The following MAST4 variants were observed in gnomAD, a reference collection of about 807,000 sequenced individuals.
MAST4 encodes the protein microtubule associated serine/threonine kinase family member 4.
MAST4 carries 89 observed loss-of-function variants against 162.7 expected under a neutral mutation model. That is an observed-to-expected ratio of 0.55 (90% CI 0.46 to 0.65). The LOEUF (loss-of-function observed/expected upper bound fraction) is 0.65. MAST4 is among the 30% of genes least tolerant of loss of function. The pLI, the probability that MAST4 is intolerant of heterozygous loss-of-function variation, is 0.00. For synonymous variants in MAST4, 1,479 were observed against 1,361.1 expected, an observed-to-expected ratio of 1.09 and a Z score of -1.91; for missense variants, 3,153 against 3,374.0, an observed-to-expected ratio of 0.93 and a Z score of 1.62.
chr5:66,679,479 C>A (rs561933436), intron 1 of MAST4, among the ~76,000 whole-genome samples: 1 of 152,156 alleles, frequency 6.6e-6, no homozygotes, highest in African/African-American at 2.4e-5. Flanking sequence ...GAGTACTTTG[C>A]CCTCTCTCAT....
chr5:66,672,638 T>G (rs1747679501), intron 1 of MAST4, among the ~76,000 whole-genome samples: 1 of 152,190 alleles, frequency 6.6e-6, no homozygotes. Context: ...ATACAGTTCT[T>G]GTCTCTTTCT....
chr5:66,647,920 C>A (rs998820486), intron 1 of MAST4, among the ~76,000 whole-genome samples: 1 of 151,970 alleles, frequency 6.6e-6, no homozygotes, highest in Non-Finnish European at 1.5e-5. Context: ...CTAATTCTAA[C>A]TATCTGTACC....
At chr5:66,712,162 A>C (rs1750537651) in intron 1 of MAST4, among the ~76,000 whole-genome samples, 1 of 152,222 alleles carries the variant, frequency 6.6e-6, no homozygotes. Flanking sequence ...ACTGTTATAC[A>C]CACCTGCTAG....
rs559564940 is a variant in MAST4, at chr5:66,921,309, C to T, written c.674+21327C>T. 7.2e-5 allele frequency among the ~76,000 whole-genome samples: 11 copies of T among 152,188 alleles called. No individual in the cohort carries two copies. In the South Asian group the frequency reaches 1.5e-3, roughly 20 times the overall value. On this transcript the variant is annotated intron_variant, in intron 4 of 28. Coordinates refer to ENST00000403625, the MANE Select transcript of MAST4 (RefSeq NM_001164664.2). ...AATATTTCAGGCCTCATGTTCAAAG[C>T]GGTACTCCATAAAGGCCGGGGACAT...
intron 10 of MAST4, 55 bp from the exon 11 acceptor site, chr5:67,110,043 T>C: frequency 7.7e-7 from 1 of 1,301,390 alleles, no homozygotes; most frequent in African/African-American, 1.5e-5. Context: ...CTGATTTTCT[T>C]TTCCATTTAA....
At chr5:67,154,751 C>T (rs1772281407) in intron 26 of MAST4, among the ~76,000 whole-genome samples, 1 of 152,216 alleles carries the variant, frequency 6.6e-6, no homozygotes, top group Non-Finnish European at 1.5e-5. Context: ...AACATCCTGC[C>T]TGTGTTCATA....
At position 67,090,152 on chromosome 5, in the gene MAST4, C is replaced by T. The variant is rs776821341; in HGVS notation, c.764-10C>T. The stretch of plus-strand genomic sequence containing the variant: ...CATGTAGTAAATTTCTCTCTTTTCT[C>T]TTTCTCTAGGAAATAGCCCTCAAGA... On this transcript the variant is annotated splice_polypyrimidine_tract_variant and intron_variant, in intron 5 of 28. Coordinates refer to ENST00000403625, the MANE Select transcript of MAST4 (RefSeq NM_001164664.2). 1 of 1,594,480 alleles carries T rather than the reference C, an allele frequency of 6.3e-7. No individual in the cohort carries two copies. Among genetic ancestry groups the T allele is most frequent in the Non-Finnish European group, 8.6e-7 (1 of 1,163,356 alleles).
chr5:67,020,804 G>A lies in MAST4; in HGVS notation c.675-33600G>A, dbSNP rs143276114. The stretch of plus-strand genomic sequence containing the variant: ...TACCATAAGTAAAATGGATTGTGAC[G>A]CACTTAGAGCAAGTGTAGACAGACT... On this transcript the variant is annotated intron_variant, in intron 4 of 28. Transcript: ENST00000403625. 5.6e-4 allele frequency among the ~76,000 whole-genome samples: 85 copies of A among 152,292 alleles called. No individual in the cohort carries two copies. In the East Asian group the frequency reaches 0.014, roughly 25 times the overall value.
At chr5:66,809,068 C>A (rs1756347225) in intron 3 of MAST4, among the ~76,000 whole-genome samples, 1 of 152,202 alleles carries the variant, frequency 6.6e-6, no homozygotes, top group Non-Finnish European at 1.5e-5. Flanking sequence ...GTTGATTACA[C>A]TGTGGCTGCC....
intron 4 of MAST4, among the ~76,000 whole-genome samples, chr5:66,976,061 T>C (rs970902741): frequency 5.3e-5 from 8 of 152,216 alleles, no homozygotes; most frequent in African/African-American, 1.9e-4. Flanking sequence ...CATGTGTCTG[T>C]CTGTGCATGG....
intron 1 of MAST4, among the ~76,000 whole-genome samples, chr5:66,676,787 A>AT (rs1490518520): frequency 1.3e-5 from 2 of 152,222 alleles, no homozygotes; most frequent in Non-Finnish European, 2.9e-5. Flanking sequence ...AGTATGTAGA[A>AT]TTGCCTGACT....
chr5:67,001,928 T>C (rs1385509294), intron 4 of MAST4: 1 of 152,242 alleles, frequency 6.6e-6, no homozygotes, highest in Non-Finnish European at 1.5e-5. Context: ...CTAAATTTTT[T>C]CTTCTCTACT....
intron 4 of MAST4, among the ~76,000 whole-genome samples, chr5:66,924,077 A>G (rs1317830438): frequency 1.3e-5 from 2 of 152,068 alleles, no homozygotes; most frequent in African/African-American, 4.8e-5. Context: ...TTGCTGTTCC[A>G]TTTTCTCCTT....
chr5:67,069,264 T>C (rs539205223), intron 5 of MAST4, among the ~76,000 whole-genome samples: 2 of 133,326 alleles, frequency 1.5e-5, no homozygotes, highest in East Asian at 4.1e-4. Context: ...TTTAATTTCC[T>C]TTTCTGTTAA....
At chr5:67,150,851 G>C (rs771967404) in intron 24 of MAST4, among the ~76,000 whole-genome samples, 66 of 152,278 alleles carry the variant, frequency 4.3e-4, no homozygotes, top group South Asian at 1.0e-3. Flanking sequence ...AGACAGCCAA[G>C]ATGCTACATG....
At chr5:66,809,328 G>T in intron 3 of MAST4, among the ~76,000 whole-genome samples, 1 of 152,160 alleles carries the variant, frequency 6.6e-6, no homozygotes, top group East Asian at 1.9e-4. Flanking sequence ...TCAACTAGAG[G>T]AGCCTTAATG....
In MAST4 at chr5:66,879,235, C is replaced by T. The variant is rs1003237356; in HGVS notation, c.643-20716C>T. ...CGGAGCTTGCAGTGAGCCGAGATTGCGCTACTGCACTCCAGCCTGGGTGAC... is the reference window on the plus strand; with the variant it reads ...CGGAGCTTGCAGTGAGCCGAGATTGTGCTACTGCACTCCAGCCTGGGTGAC... On this transcript the variant is annotated intron_variant, in intron 3 of 28. Transcript: ENST00000403625. 6.6e-4 allele frequency among the ~76,000 whole-genome samples: 100 copies of T among 151,838 alleles called. 1 individual carries two copies. Among genetic ancestry groups the T allele is most frequent in the South Asian group, 2.1e-4 (1 of 4,806 alleles).
At chr5:66,880,916 A>T (rs767879149) in intron 3 of MAST4, among the ~76,000 whole-genome samples, 3 of 152,220 alleles carry the variant, frequency 2.0e-5, no homozygotes, top group Non-Finnish European at 4.4e-5. Context: ...TTAGACTGGA[A>T]GGTGAGTATA....
At chr5:66,931,246 TTTATCC>T (rs1200496778) in intron 4 of MAST4, among the ~76,000 whole-genome samples, 1 of 152,190 alleles carries the variant, frequency 6.6e-6, no homozygotes, top group Admixed American at 6.5e-5. Context: ...ACTGAATATG[TTTATCC>T]TTATTTTTAT....
Sources: gnomAD v4.1 joint callset for allele counts (sites outside exome capture counted in the v4.1 genomes callset) on GRCh38, gnomAD v4.1.1 for gene constraint, MANE v1.5 for transcripts, NCBI Gene and HGNC (gene_info 2026-07-23, HGNC 2026-07-21) for gene names.